Variants in ARAP2 observed in about 807,000 individuals in gnomAD.
ARAP2 encodes the protein ArfGAP with RhoGAP domain, ankyrin repeat and PH domain 2.
ARAP2 carries 148 observed loss-of-function variants against 194.5 expected under a neutral mutation model. That is an observed-to-expected ratio of 0.76 (90% CI 0.67 to 0.87). The LOEUF (loss-of-function observed/expected upper bound fraction) is 0.87. Ranked by LOEUF, ARAP2 falls within the 40% of genes least tolerant of loss-of-function variation. The pLI is 0.00. For synonymous variants in ARAP2, 695 were observed against 683.5 expected (o/e 1.02, Z -0.26); for missense variants, 2,128 against 1,989.7 (o/e 1.07, Z -1.32).
At chr4:36,161,626 C>A (rs2109782780) in intron 11 of ARAP2, 76 bp from the exon 12 acceptor site, 2 of 1,216,972 alleles carry the variant, frequency 1.6e-6, no homozygotes, top group East Asian at 4.8e-5. Context: ...AAAGAAAGTG[C>A]ATATGTCTGT....
chr4:36,067,788 A>C lies in ARAP2; in HGVS notation c.*119T>G. The C allele has an allele frequency of 8.9e-7, 1 of 1,119,000 alleles. No individual in the cohort carries two copies. The highest frequency in any genetic ancestry group is 3.1e-4 in the Middle Eastern group (1 of 3,244). The allele number at this position is 1,119,000 out of a possible 1,614,324, so 69.3% of individuals were successfully genotyped here. A position where few individuals can be genotyped will look rare whatever the true frequency, so the allele number is the denominator to read the frequency against. On this transcript the variant is annotated 3_prime_UTR_variant, in exon 33 of 33. Coordinates refer to ENST00000303965, the MANE Select transcript of ARAP2 (RefSeq NM_015230.4). ...GCTCCTTAAATGCCTAAGCATAGAC[A>C]AATTTGCCTATCAATAGGCAAATTC...
chr4:36,007,817 C>A (rs940416185), intron 9 of ARAP2, among the ~76,000 whole-genome samples: 2 of 151,856 alleles, frequency 1.3e-5, no homozygotes, highest in Non-Finnish European at 2.9e-5. Context: ...CTCTGTCAGC[C>A]AGGTTAGAGT....
chr4:36,068,783 T>C (rs1312693245), intron 32 of ARAP2, among the ~76,000 whole-genome samples: 2 of 152,350 alleles, frequency 1.3e-5, no homozygotes, highest in East Asian at 1.9e-4. Context: ...CAACATTCCA[T>C]AGGTTAGGTG....
chr4:36,087,976 G>A lies in ARAP2; in HGVS notation c.4425+3905C>T, dbSNP rs1204279443. Among the ~76,000 whole-genome samples, 14 of 152,026 alleles carry A rather than the reference G, an allele frequency of 9.2e-5. No homozygotes were observed. In the East Asian group the frequency reaches 1.2e-3, roughly 13 times the overall value. ...TGGGAATAATAAGAGTACCAATTTCGTGGGGTAACTGTATAGATAAAATGA... is the reference window on the plus strand; with the variant it reads ...TGGGAATAATAAGAGTACCAATTTCATGGGGTAACTGTATAGATAAAATGA... On this transcript the variant is annotated intron_variant, in intron 28 of 32. Transcript: ENST00000303965.
chr4:36,022,764 G>A (rs1299882407), intron 5 of ARAP2, among the ~76,000 whole-genome samples: 2 of 152,150 alleles, frequency 1.3e-5, no homozygotes, highest in East Asian at 1.9e-4. Flanking sequence ...TTCAGAAGGA[G>A]GAACGGATAA....
In ARAP2 at chr4:36,229,438, T is replaced by C; in HGVS notation, c.49A>G (p.Ser17Gly). ...VNVDIKDFLM[S>G]INLEQYLLHF... ...AAGAGATACTGCTCCAAATTAATGC[T>C]CATTAGGAAATCTTTTATATCCACA... Residue 17 changes from serine to glycine, a missense_variant, in exon 2 of 33, where the codon AGC (serine) becomes GGC (glycine). Transcript: ENST00000303965. The C allele has an allele frequency of 6.2e-7, 1 of 1,613,338 alleles. No homozygotes were observed. Among genetic ancestry groups the C allele is most frequent in the South Asian group, 1.1e-5 (1 of 91,030 alleles).
At chr4:36,199,267 T>G (rs947636421) in intron 6 of ARAP2, among the ~76,000 whole-genome samples, 1 of 152,242 alleles carries the variant, frequency 6.6e-6, no homozygotes, top group African/African-American at 2.4e-5. Flanking sequence ...TTAATTTCCA[T>G]GTAATTTCAA....
intron 20 of ARAP2, among the ~76,000 whole-genome samples, chr4:36,132,826 C>G (rs1725749465): frequency 6.6e-6 from 1 of 151,766 alleles, no homozygotes. Context: ...TTCCACAGTT[C>G]ATCACTTCTA....
chr4:36,062,625 T>C (rs568764957), downstream of ARAP2, among the ~76,000 whole-genome samples: 2 of 125,256 alleles, frequency 1.6e-5, no homozygotes, highest in East Asian at 4.1e-4. Flanking sequence ...GCTCGTAATT[T>C]GTGTGAGAGT....
At chr4:36,076,623 T>C (rs888913285) in intron 31 of ARAP2, among the ~76,000 whole-genome samples, 6 of 151,800 alleles carry the variant, frequency 4.0e-5, no homozygotes, top group African/African-American at 1.5e-4. Flanking sequence ...TCCTCCATGC[T>C]TCCCTCTCCA....
rs545574459 is a variant in ARAP2 at position 36,116,765 on chromosome 4, A to G, written c.4038+296T>C. ...GTGAGAAGACTGAGGCTCAGAGCAA[A>G]TAACTTGTCTAACGTTAGGAAGCTA... On this transcript the variant is annotated intron_variant, in intron 25 of 32. Transcript: ENST00000303965. Among the ~76,000 whole-genome samples the G allele has an allele frequency of 7.2e-5, 11 of 151,910 alleles. No individual in the cohort carries two copies. The East Asian group carries it at 1.2e-3, about 16-fold the overall frequency.
chr4:36,105,711 C>A (rs1344105199), intron 27 of ARAP2, among the ~76,000 whole-genome samples: 1 of 151,978 alleles, frequency 6.6e-6, no homozygotes, highest in Non-Finnish European at 1.5e-5. Flanking sequence ...CACCCACCCC[C>A]AGCCATGCCC....
At chr4:36,212,244 G>T in intron 5 of ARAP2, 152 bp downstream of exon 5, 1 of 511,886 alleles carries the variant, frequency 2.0e-6, no homozygotes, top group Non-Finnish European at 3.4e-6. Flanking sequence ...AATAAAATGG[G>T]TGCTGCTATG....
At chr4:36,181,871 A>T (rs974561673) in intron 8 of ARAP2, among the ~76,000 whole-genome samples, 1 of 152,192 alleles carries the variant, frequency 6.6e-6, no homozygotes, top group African/African-American at 2.4e-5. Context: ...TAAACACAAG[A>T]TGGGGGGCCC....
intron 19 of ARAP2, among the ~76,000 whole-genome samples, chr4:36,136,816 T>C (rs28604286): frequency 0.26 from 37,853 of 144,694 alleles, 5,500 homozygotes; most frequent in East Asian, 0.39. Flanking sequence ...TGTGTGTGTG[T>C]GTGCGTGTCT....
intron 28 of ARAP2, among the ~76,000 whole-genome samples, chr4:36,087,017 C>T (rs887095196): frequency 6.6e-6 from 1 of 152,026 alleles, no homozygotes; most frequent in African/African-American, 2.4e-5. Flanking sequence ...ATACACTTCT[C>T]AATTTGTAAT....
rs113294913 is a variant in ARAP2 at position 36,107,626 on chromosome 4, A to G, written c.4224T>C (p.Pro1408=). The change falls in exon 27 of 33, where the codon CCT becomes CCC. Residue 1408 remains proline (P), a synonymous_variant. Transcript: ENST00000303965. ...TCTTCACCACCAGGTAAGCAGAGCC[A>G]GGTTCAGCTAATGAACTCCACCGAA... ...QVLRWSSLAE[P]GSAYLVVKRF... 4.8e-5 allele frequency: 77 copies of G among 1,611,156 alleles called. No individual in the cohort carries two copies. The African/African-American group carries it at 7.7e-4, about 16-fold the overall frequency.
chr4:36,211,196 A>G (rs1178652837), intron 5 of ARAP2, among the ~76,000 whole-genome samples: 1 of 152,098 alleles, frequency 6.6e-6, no homozygotes, highest in Non-Finnish European at 1.5e-5. Context: ...CAAGGACCCC[A>G]TGTTTCACCA....
At chr4:36,216,825 C>A (rs1748031573) in intron 2 of ARAP2, among the ~76,000 whole-genome samples, 1 of 152,172 alleles carries the variant, frequency 6.6e-6, no homozygotes, top group South Asian at 2.1e-4. Flanking sequence ...TACTGTCATG[C>A]ATGGTTTAAT....
Sources: gnomAD v4.1 joint callset for allele counts (sites outside exome capture counted in the v4.1 genomes callset) on GRCh38, gnomAD v4.1.1 for gene constraint, MANE v1.5 for transcripts, NCBI Gene and HGNC (gene_info 2026-07-23, HGNC 2026-07-21) for gene names.